The following LGSN variants were observed in gnomAD, a reference collection of about 807,000 sequenced individuals.
LGSN encodes the protein lengsin.
In LGSN, 21 loss-of-function variants were observed where a neutral mutation model predicts 19.5. The ratio of observed to expected loss-of-function variants is 1.07; its 90% CI spans 0.76 to 1.55. The LOEUF (loss-of-function observed/expected upper bound fraction) is 1.55, where lower values mean the gene tolerates loss of function less well. Among genes scored for constraint, LGSN ranks in the 40% most tolerant of loss-of-function variants. The probability of loss-of-function intolerance (pLI) is 0.00; values close to 1 mark genes in which losing one functional copy is unlikely to be tolerated. For synonymous variants in LGSN, 257 were observed against 215.6 expected, an observed-to-expected ratio of 1.19 and a Z score of -1.68; for missense variants, 673 against 608.5, an observed-to-expected ratio of 1.11 and a Z score of -1.12.
At chr6:63,412,223 C>A in the LGSN span, among the ~76,000 whole-genome samples, 880 of 151,514 alleles carry the variant, frequency 5.8e-3, 12 homozygotes, top group African/African-American at 0.02. Flanking sequence ...AAAAATGAGC[C>A]GGACATGGTG....
At chr6:63,540,139 G>C in the LGSN span, among the ~76,000 whole-genome samples, 3 of 152,178 alleles carry the variant, frequency 2.0e-5, no homozygotes, top group Admixed American at 2.0e-4. Context: ...AAGGAGACAA[G>C]TTTGAGGATG....
the LGSN span, among the ~76,000 whole-genome samples, chr6:63,424,739 C>T: frequency 1.3e-5 from 2 of 151,868 alleles, no homozygotes; most frequent in Non-Finnish European, 2.9e-5. Flanking sequence ...ATAGTGAAAC[C>T]CATCTCTACA....
chr6:63,569,998 A>C, the LGSN span, among the ~76,000 whole-genome samples: 1 of 152,232 alleles, frequency 6.6e-6, no homozygotes, highest in Non-Finnish European at 1.5e-5. Flanking sequence ...CACCCTCAGC[A>C]TAGCAGTGAA....
At chr6:63,372,074 A>G in the LGSN span, among the ~76,000 whole-genome samples, 1 of 152,160 alleles carries the variant, frequency 6.6e-6, no homozygotes, top group African/African-American at 2.4e-5. Context: ...TTGTCTCATG[A>G]AGGTAAATAG....
At chr6:63,299,678 T>C (rs1313086377) in intron 1 of LGSN, among the ~76,000 whole-genome samples, 1 of 152,186 alleles carries the variant, frequency 6.6e-6, no homozygotes, top group Non-Finnish European at 1.5e-5. Context: ...CTTCTGCCCT[T>C]GTCCGTGTCT....
At chr6:63,381,574 C>A in the LGSN span, among the ~76,000 whole-genome samples, 1 of 152,200 alleles carries the variant, frequency 6.6e-6, no homozygotes, top group Admixed American at 6.5e-5. Context: ...CTCAGTGCAA[C>A]TGGTTAATAC....
the LGSN span, among the ~76,000 whole-genome samples, chr6:63,472,370 A>G: frequency 6.6e-6 from 1 of 152,186 alleles, no homozygotes; most frequent in Admixed American, 6.5e-5. Context: ...TAAATAAATG[A>G]AGATTCTGAG....
Position 63,277,571 on chromosome 6 carries a change from G to A in LGSN, c.*2450C>T, listed in dbSNP as rs1300847444. The A allele has an allele frequency of 1.3e-5, 2 of 152,186 alleles. No homozygotes were observed. The highest frequency in any genetic ancestry group is 4.8e-5 in the African/African-American group (2 of 41,440). 9.4% of individuals were successfully genotyped at this position (152,186 alleles called of 1,614,324 possible). On this transcript the variant is annotated 3_prime_UTR_variant, in exon 4 of 4. Coordinates refer to ENST00000370657, the MANE Select transcript of LGSN (RefSeq NM_016571.3). ...ATCAAAATCATTGTGGCTTAAAGAA[G>A]ATAGAAGTTTGGTTCTCTCTCAGGT...
the LGSN span, among the ~76,000 whole-genome samples, chr6:63,344,375 G>A: frequency 6.6e-6 from 1 of 152,202 alleles, no homozygotes; most frequent in Non-Finnish European, 1.5e-5. Flanking sequence ...TCAAACAAAT[G>A]TGAGGATATA....
chr6:63,432,153 GA>G, the LGSN span, among the ~76,000 whole-genome samples: 2 of 104,336 alleles, frequency 1.9e-5, no homozygotes, highest in South Asian at 3.4e-4. Flanking sequence ...AAGAAAGAAA[GA>G]AAGAAAGAAA....
chr6:63,292,502 C>A (rs1450872162), intron 2 of LGSN, among the ~76,000 whole-genome samples: 2 of 152,146 alleles, frequency 1.3e-5, no homozygotes, highest in Non-Finnish European at 2.9e-5. Flanking sequence ...GAAACTCTAA[C>A]AATGTTACTT....
At chr6:63,572,767 G>A in the LGSN span, 7 of 398,290 alleles carry the variant, frequency 1.8e-5, no homozygotes, top group African/African-American at 6.2e-5. Flanking sequence ...ATCCACGACC[G>A]GCCCCCCATC....
At chr6:63,542,022 G>GGTGTGTGT in the LGSN span, among the ~76,000 whole-genome samples, 762 of 146,834 alleles carry the variant, frequency 5.2e-3, 3 homozygotes, top group East Asian at 0.018. Flanking sequence ...AAGAAACTGT[G>GGTGTGTGT]GTGTGTGTGT....
the LGSN span, among the ~76,000 whole-genome samples, chr6:63,541,384 T>C: frequency 6.6e-6 from 1 of 151,768 alleles, no homozygotes; most frequent in Non-Finnish European, 1.5e-5. Context: ...GAAACCCCTC[T>C]CTACTAAAAA....
the LGSN span, among the ~76,000 whole-genome samples, chr6:63,344,123 GAAGAAAA>G: frequency 6.6e-6 from 1 of 152,074 alleles, no homozygotes; most frequent in African/African-American, 2.4e-5. Flanking sequence ...GACCCTAAAA[GAAGAAAA>G]CTCACCCTGA....
the LGSN span, among the ~76,000 whole-genome samples, chr6:63,439,121 G>T: frequency 6.6e-6 from 1 of 151,832 alleles, no homozygotes; most frequent in African/African-American, 2.4e-5. Flanking sequence ...ACCAAACACC[G>T]CATATTCTCA....
chr6:63,348,594 T>C, the LGSN span, among the ~76,000 whole-genome samples: 9 of 152,256 alleles, frequency 5.9e-5, no homozygotes, highest in South Asian at 4.1e-4. Context: ...ATATCATCTC[T>C]ACAAGGCACT....
At chr6:63,455,332 AC>A in the LGSN span, among the ~76,000 whole-genome samples, 1 of 152,224 alleles carries the variant, frequency 6.6e-6, no homozygotes, top group African/African-American at 2.4e-5. Context: ...AAACTGCCTC[AC>A]CCATTATCTT....
the LGSN span, among the ~76,000 whole-genome samples, chr6:63,338,043 C>G: frequency 3.0e-3 from 448 of 151,808 alleles, 3 homozygotes; most frequent in African/African-American, 0.01. Context: ...ACACCACCAC[C>G]CCTGGCTAAT....
Sources: gnomAD v4.1 joint callset for allele counts (sites outside exome capture counted in the v4.1 genomes callset) on GRCh38, gnomAD v4.1.1 for gene constraint, MANE v1.5 for transcripts, NCBI Gene and HGNC (gene_info 2026-07-23, HGNC 2026-07-21) for gene names.